RFX7: variants seen among roughly 807,000 people sequenced by gnomAD.
RFX7 encodes regulatory factor X7.
A neutral mutation model predicts 111.8 loss-of-function variants in RFX7; 26 were observed. The ratio of observed to expected loss-of-function variants is 0.23; its 90% CI spans 0.17 to 0.32. The LOEUF (loss-of-function observed/expected upper bound fraction) is 0.32. Ranked by LOEUF, RFX7 falls within the 10% of genes least tolerant of loss-of-function variation. The probability of loss-of-function intolerance (pLI) is 1.00; values close to 1 mark genes in which losing one functional copy is unlikely to be tolerated. For missense variants in RFX7, 1,573 were observed against 1,772.9 expected (o/e 0.89, Z 2.02); for synonymous variants, 624 against 624.4 (o/e 1.00, Z 0.01).
At chr15:56,173,177 T>C (rs1035223769) in intron 3 of RFX7, among the ~76,000 whole-genome samples, 5 of 152,194 alleles carry the variant, frequency 3.3e-5, no homozygotes, top group African/African-American at 4.8e-5. Flanking sequence ...CAAATCCCTA[T>C]GTAGATTTGG....
At chr15:56,174,678 C>G (rs558555707) in intron 3 of RFX7, among the ~76,000 whole-genome samples, 1 of 152,108 alleles carries the variant, frequency 6.6e-6, no homozygotes, top group South Asian at 2.1e-4. Flanking sequence ...ACCTGGGAGA[C>G]AGAAGTTGCA....
intron 3 of RFX7, among the ~76,000 whole-genome samples, chr15:56,173,244 A>G (rs1414455889): frequency 1.3e-5 from 2 of 152,192 alleles, no homozygotes; most frequent in East Asian, 1.9e-4. Context: ...AAACTCCAAA[A>G]GGCTGGGCAA....
At chr15:56,165,433 C>T (rs961822431) in intron 3 of RFX7, among the ~76,000 whole-genome samples, 2 of 152,162 alleles carry the variant, frequency 1.3e-5, no homozygotes, top group African/African-American at 4.8e-5. Context: ...TGACAATACC[C>T]TTAATCCTCC....
rs539404166 is a variant in RFX7, at chr15:56,099,653, A to G, written c.812-1277T>C. 3.3e-5 allele frequency among the ~76,000 whole-genome samples: 5 copies of G among 152,260 alleles called. No individual in the cohort carries two copies. In the East Asian group the frequency reaches 9.7e-4, roughly 29 times the overall value. On this transcript the variant is annotated intron_variant, in intron 8 of 9. Transcript: ENST00000559447. ...TTTATAAAAAAAAAAATTCACCTTC[A>G]AAGGATAAAAATTAGTCTACTATCG...
At chr15:56,235,856 T>C (rs924116044) in intron 2 of RFX7, among the ~76,000 whole-genome samples, 2 of 152,164 alleles carry the variant, frequency 1.3e-5, no homozygotes, top group Non-Finnish European at 2.9e-5. Context: ...AGACAACAAA[T>C]GGGTTCAGAT....
intron 5 of RFX7, among the ~76,000 whole-genome samples, chr15:56,129,038 A>G (rs1378384329): frequency 2.0e-5 from 3 of 152,214 alleles, no homozygotes; most frequent in Admixed American, 6.5e-5. Context: ...AAACAAAAAT[A>G]TACCCCATGT....
chr15:56,177,770 A>G lies in RFX7; in HGVS notation c.195+1500T>C, dbSNP rs906700402. On this transcript the variant is annotated intron_variant, in intron 3 of 9. Coordinates refer to ENST00000559447, the MANE Select transcript of RFX7 (RefSeq NM_022841.7). ...TGCTTACCACTGTACTCTCGTACCA[A>G]GAACAGGGTCTAGTATATGATAAAC... Among the ~76,000 whole-genome samples, 4 of 152,276 alleles carry G rather than the reference A, an allele frequency of 2.6e-5. No homozygotes were observed. The South Asian group carries it at 8.3e-4, about 32-fold the overall frequency.
chr15:56,179,117 C>A, intron 3 of RFX7, 153 bp downstream of exon 3: 1 of 307,226 alleles, frequency 3.3e-6, no homozygotes. Context: ...AGCTTATAAA[C>A]AATTCACCCG....
At chr15:56,243,040 G>GCACCC in intron 2 of RFX7, 85 bp downstream of exon 2, 1 of 570,718 alleles carries the variant, frequency 1.8e-6, no homozygotes, top group Non-Finnish European at 3.1e-6. Context: ...CTCCTCCTCC[G>GCACCC]CTCCCCCCGC....
chr15:56,223,760 T>C (rs528190354), intron 2 of RFX7, among the ~76,000 whole-genome samples: 103 of 152,334 alleles, frequency 6.8e-4, no homozygotes, highest in Non-Finnish European at 1.2e-3. Flanking sequence ...TTCAAGACCA[T>C]GATAAATGCT....
In RFX7 at chr15:56,096,629, A is replaced by C; in HGVS notation, c.1108-9T>G. 1 of 1,554,830 alleles carries C rather than the reference A, an allele frequency of 6.4e-7. No individual in the cohort carries two copies. Among genetic ancestry groups the C allele is most frequent in the Non-Finnish European group, 8.7e-7 (1 of 1,146,764 alleles). On this transcript the variant is annotated splice_polypyrimidine_tract_variant and intron_variant, in intron 9 of 9. Transcript: ENST00000559447. Reference sequence around the variant, plus strand: ...TGCCTAGTCCGCTGGACCTGTTAAAAGATAGCAAAAAATCAGATTTAACAG... The same window carrying C: ...TGCCTAGTCCGCTGGACCTGTTAAACGATAGCAAAAAATCAGATTTAACAG...
At chr15:56,140,042 G>A (rs1320410266) in intron 5 of RFX7, among the ~76,000 whole-genome samples, 1 of 152,126 alleles carries the variant, frequency 6.6e-6, no homozygotes. Context: ...GGACATTTAA[G>A]TCTGCAGAGG....
intron 3 of RFX7, among the ~76,000 whole-genome samples, chr15:56,158,173 C>T (rs2042677079): frequency 6.6e-6 from 1 of 152,038 alleles, no homozygotes; most frequent in Non-Finnish European, 1.5e-5. Flanking sequence ...CTATATCAAG[C>T]AGTAAGCTAT....
At chr15:56,229,689 C>T (rs1187151987) in intron 2 of RFX7, among the ~76,000 whole-genome samples, 2 of 152,084 alleles carry the variant, frequency 1.3e-5, no homozygotes, top group African/African-American at 2.4e-5. Flanking sequence ...TGGGGGAGCC[C>T]CCAAATTTAA....
At chr15:56,105,542 T>C (rs1199167177) in intron 5 of RFX7, among the ~76,000 whole-genome samples, 1 of 152,152 alleles carries the variant, frequency 6.6e-6, no homozygotes, top group African/African-American at 2.4e-5. Context: ...GAAATGGGTC[T>C]AAAAAACTGA....
chr15:56,109,318 G>A (rs2041876484), intron 5 of RFX7, among the ~76,000 whole-genome samples: 1 of 152,392 alleles, frequency 6.6e-6, no homozygotes, highest in Admixed American at 6.5e-5. Flanking sequence ...GAGGTGCCGG[G>A]ATTGCAGACG....
At chr15:56,114,429 AAAC>A (rs200972511) in intron 5 of RFX7, among the ~76,000 whole-genome samples, 4,742 of 149,860 alleles carry the variant, frequency 0.032, 121 homozygotes, top group Non-Finnish European at 0.049. Context: ...AAAAAAAAAC[AAAC>A]AACAACAACA....
chr15:56,223,971 C>T (rs1187472794), intron 2 of RFX7, among the ~76,000 whole-genome samples: 1 of 151,684 alleles, frequency 6.6e-6, no homozygotes, highest in African/African-American at 2.4e-5. Flanking sequence ...ACAACAGAAT[C>T]TTTTTACAGC....
Position 56,243,450 on chromosome 15 carries a change from G to A in RFX7, c.-8C>T, listed in dbSNP as rs1265225584. The A allele has an allele frequency of 1.0e-6, 1 of 984,390 alleles. No individual in the cohort carries two copies. Among genetic ancestry groups the A allele is most frequent in the African/African-American group, 1.8e-5 (1 of 57,118 alleles). The allele number at this position is 984,390 out of a possible 1,614,324, so 61.0% of individuals were successfully genotyped here. Reference sequence around the variant, plus strand: ...TGGATAAGCTAGGCCTTTACCCCAGGGCTCGAGTGAGTCGCTTTCGCCTGC... The same window carrying A: ...TGGATAAGCTAGGCCTTTACCCCAGAGCTCGAGTGAGTCGCTTTCGCCTGC... On this transcript the variant is annotated 5_prime_UTR_variant, in exon 1 of 10. Transcript: ENST00000559447.
Sources: allele counts gnomAD v4.1 joint callset (sites outside exome capture counted in the v4.1 genomes callset), GRCh38; gene constraint gnomAD v4.1.1; transcripts MANE v1.5; gene names NCBI Gene and HGNC (gene_info 2026-07-23, HGNC 2026-07-21).